Variants in KLHL5 observed in about 807,000 individuals in gnomAD.
KLHL5 encodes kelch like family member 5, also known as kelch-like protein 5.
A neutral mutation model predicts 77.7 loss-of-function variants in KLHL5; 48 were observed. That is an observed-to-expected ratio of 0.62 (90% CI 0.49 to 0.79). The LOEUF (loss-of-function observed/expected upper bound fraction) is 0.79. Among genes scored for constraint, KLHL5 ranks in the 30% least tolerant of loss-of-function variants. KLHL5 has a pLI of 0.00. For synonymous variants in KLHL5, 260 were observed against 297.0 expected, an observed-to-expected ratio of 0.88 and a Z score of 1.28; for missense variants, 723 against 859.7, an observed-to-expected ratio of 0.84 and a Z score of 1.99.
At chr4:39,080,322 T>C (rs1363397022) in intron 2 of KLHL5, among the ~76,000 whole-genome samples, 1 of 151,318 alleles carries the variant, frequency 6.6e-6, no homozygotes, top group East Asian at 1.9e-4. Context: ...AGGCCAGGAG[T>C]TCAAGACCAA....
chr4:39,072,810 G>A (rs1195308008), intron 1 of KLHL5, among the ~76,000 whole-genome samples: 1 of 152,170 alleles, frequency 6.6e-6, no homozygotes, highest in Non-Finnish European at 1.5e-5. Flanking sequence ...GATGGGGAGT[G>A]CCAAAGAGAG....
intron 10 of KLHL5, among the ~76,000 whole-genome samples, chr4:39,118,059 TAAA>T (rs35309110): frequency 2.4e-5 from 3 of 126,156 alleles, no homozygotes; most frequent in Non-Finnish European, 1.6e-5. Context: ...AGACTCCATC[TAAA>T]AAAAAAAAAA....
At position 39,121,315 on chromosome 4, in the gene KLHL5, G is replaced by A; in HGVS notation, c.*249G>A. 1.9e-6 allele frequency: 1 copy of A among 519,138 alleles called. No homozygotes were observed. The highest frequency in any genetic ancestry group is 3.4e-5 in the East Asian group (1 of 29,504). 32.2% of individuals were successfully genotyped at this position (519,138 alleles called of 1,614,324 possible). A position where few individuals can be genotyped will look rare whatever the true frequency, so the allele number is the denominator to read the frequency against. On this transcript the variant is annotated 3_prime_UTR_variant, in exon 11 of 11. Coordinates refer to ENST00000504108, the MANE Select transcript of KLHL5 (RefSeq NM_015990.5). Reference sequence around the variant, plus strand: ...TGATCACACATTCCCGAAGTAATAAGTGAGGACGAATGCACTGCTCTGGAA... The same window carrying A: ...TGATCACACATTCCCGAAGTAATAAATGAGGACGAATGCACTGCTCTGGAA...
intron 4 of KLHL5, among the ~76,000 whole-genome samples, chr4:39,085,139 G>A (rs1241652607): frequency 6.6e-6 from 1 of 152,086 alleles, no homozygotes; most frequent in Admixed American, 6.6e-5. Flanking sequence ...AGAACCTTTT[G>A]CTTGAAGCCA....
chr4:39,097,071 A>G (rs773982424), intron 6 of KLHL5, among the ~76,000 whole-genome samples, 193 bp downstream of exon 6: 2 of 152,216 alleles, frequency 1.3e-5, no homozygotes, highest in Non-Finnish European at 2.9e-5. Context: ...AGATAGGTCA[A>G]AAGACACAGG....
At chr4:39,050,694 T>G (rs2109244627) in intron 1 of KLHL5, among the ~76,000 whole-genome samples, 1 of 152,340 alleles carries the variant, frequency 6.6e-6, no homozygotes, top group South Asian at 2.1e-4. Flanking sequence ...AACAAATTAG[T>G]GTAATTGACA....
chr4:39,061,002 C>T (rs1329492138), upstream of KLHL5, among the ~76,000 whole-genome samples: 2 of 152,130 alleles, frequency 1.3e-5, no homozygotes, highest in Non-Finnish European at 2.9e-5. Flanking sequence ...TAGATATGCC[C>T]ACTTCATGCT....
chr4:39,126,361 C>A (rs775461296), downstream of KLHL5, among the ~76,000 whole-genome samples: 1 of 152,208 alleles, frequency 6.6e-6, no homozygotes, highest in African/African-American at 2.4e-5. Flanking sequence ...TATGAACGCA[C>A]CACCTCTTCC....
intron 1 of KLHL5, among the ~76,000 whole-genome samples, chr4:39,070,770 T>C (rs1466741872): frequency 6.6e-6 from 1 of 152,194 alleles, no homozygotes; most frequent in Non-Finnish European, 1.5e-5. Context: ...AATCAAAATA[T>C]ATTTCTCTTG....
chr4:39,071,958 G>T (rs1718517330), intron 1 of KLHL5, among the ~76,000 whole-genome samples: 1 of 152,136 alleles, frequency 6.6e-6, no homozygotes, highest in Non-Finnish European at 1.5e-5. Flanking sequence ...GATGTTAGAT[G>T]TATTTCCTCT....
the KLHL5 span, among the ~76,000 whole-genome samples, chr4:39,136,146 C>A: frequency 6.6e-6 from 1 of 150,966 alleles, no homozygotes; most frequent in Non-Finnish European, 1.5e-5. Flanking sequence ...TTTTAAAAAT[C>A]ATTTCCCTTC....
intron 2 of KLHL5, among the ~76,000 whole-genome samples, chr4:39,080,388 A>G (rs1430743134): frequency 1.3e-5 from 2 of 151,908 alleles, no homozygotes; most frequent in Non-Finnish European, 2.9e-5. Flanking sequence ...TTAGCTGGAC[A>G]TGGTAGTCAC....
intron 1 of KLHL5, among the ~76,000 whole-genome samples, chr4:39,069,948 A>G (rs1718318744): frequency 6.6e-6 from 1 of 152,080 alleles, no homozygotes; most frequent in South Asian, 2.1e-4. Flanking sequence ...GTTTTTCTCC[A>G]TTTCTAAATT....
chr4:39,053,197 T>C (rs1716779918), intron 1 of KLHL5, among the ~76,000 whole-genome samples: 1 of 152,174 alleles, frequency 6.6e-6, no homozygotes, highest in African/African-American at 2.4e-5. Flanking sequence ...TACTACCCTT[T>C]CCCTACCTGA....
At chr4:39,075,733 A>G (rs186643378) in intron 1 of KLHL5, among the ~76,000 whole-genome samples, 192 of 152,330 alleles carry the variant, frequency 1.3e-3, no homozygotes, top group African/African-American at 4.5e-3. Flanking sequence ...TACAAAGAAT[A>G]TATGTAGCAA....
chr4:39,093,874 C>T (rs577853875), intron 5 of KLHL5, among the ~76,000 whole-genome samples: 3 of 151,954 alleles, frequency 2.0e-5, no homozygotes, highest in African/African-American at 7.2e-5. Flanking sequence ...CCACCACACT[C>T]CAGCCTGGGT....
At chr4:39,096,656 A>T in intron 5 of KLHL5, 36 bp from the exon 6 acceptor site, 1 of 1,366,912 alleles carries the variant, frequency 7.3e-7, no homozygotes, top group Non-Finnish European at 1.0e-6. Context: ...CCATTTTCTT[A>T]GTCATTCAGT....
intron 10 of KLHL5, among the ~76,000 whole-genome samples, chr4:39,120,573 C>G (rs907090943): frequency 6.6e-6 from 1 of 152,188 alleles, no homozygotes; most frequent in Non-Finnish European, 1.5e-5. Context: ...CCCAGGCATT[C>G]AGAGTATTTT....
upstream of KLHL5, among the ~76,000 whole-genome samples, chr4:39,059,489 G>A (rs1032039767): frequency 1.3e-5 from 2 of 152,170 alleles, no homozygotes; most frequent in African/African-American, 4.8e-5. Context: ...GCTCACGCCT[G>A]TAATCTCAGC....
Sources: allele counts gnomAD v4.1 joint callset (sites outside exome capture counted in the v4.1 genomes callset), GRCh38; gene constraint gnomAD v4.1.1; transcripts MANE v1.5; gene names NCBI Gene and HGNC (gene_info 2026-07-23, HGNC 2026-07-21).